TAFA5: variants seen among roughly 807,000 people sequenced by gnomAD.
TAFA5 encodes chemokine-like protein TAFA-5.
TAFA5 carries 6 observed loss-of-function variants against 15.3 expected under a neutral mutation model. That is an observed-to-expected ratio of 0.39 (90% CI 0.21 to 0.77). The LOEUF (loss-of-function observed/expected upper bound fraction) is 0.77, where lower values mean the gene tolerates loss of function less well. TAFA5 is among the 30% of genes least tolerant of loss of function. TAFA5 has a pLI of 0.41. For missense variants in TAFA5, 161 were observed against 193.1 expected (o/e 0.83, Z 0.98); for synonymous variants, 103 against 80.7 (o/e 1.28, Z -1.48).
At chr22:48,650,594 G>A (rs1371831590) in intron 2 of TAFA5, among the ~76,000 whole-genome samples, 5 of 152,156 alleles carry the variant, frequency 3.3e-5, no homozygotes, top group Non-Finnish European at 7.4e-5. Flanking sequence ...TGGTTAGAGA[G>A]GAATTCTAGC....
At chr22:48,644,987 C>G (rs1288349996) in intron 1 of TAFA5, among the ~76,000 whole-genome samples, 1 of 152,268 alleles carries the variant, frequency 6.6e-6, no homozygotes, top group Admixed American at 6.5e-5. Context: ...CCATCTCCCC[C>G]AGCTGGAAGG....
chr22:48,622,671 CTG>C (rs1601622615), intron 1 of TAFA5, among the ~76,000 whole-genome samples: 1 of 152,338 alleles, frequency 6.6e-6, no homozygotes, highest in East Asian at 1.9e-4. Flanking sequence ...TGGTACGACA[CTG>C]TGGATATTTG....
intron 1 of TAFA5, among the ~76,000 whole-genome samples, chr22:48,593,477 G>A (rs922547669): frequency 6.6e-6 from 1 of 152,092 alleles, no homozygotes; most frequent in Non-Finnish European, 1.5e-5. Flanking sequence ...GTCTGGGCTC[G>A]GGGGGTGTCT....
chr22:48,663,882 G>A lies in TAFA5; in HGVS notation c.262+17136G>A, dbSNP rs74950096. Among the ~76,000 whole-genome samples the A allele has an allele frequency of 4.5e-4, 69 of 152,352 alleles. No homozygotes were observed. The East Asian group carries it at 0.012, about 27-fold the overall frequency. On this transcript the variant is annotated intron_variant, in intron 2 of 3. Transcript: ENST00000402357. ...TCTTAATAATGGCCCCAAAGTGCAAGAGCACGGGTGATGCTGGCAATTCAG... is the reference window on the plus strand; with the variant it reads ...TCTTAATAATGGCCCCAAAGTGCAAAAGCACGGGTGATGCTGGCAATTCAG...
chr22:48,537,371 TC>T (rs1340160078), intron 1 of TAFA5, among the ~76,000 whole-genome samples: 3 of 152,114 alleles, frequency 2.0e-5, no homozygotes, highest in African/African-American at 7.2e-5. Flanking sequence ...AGGGTGGCGT[TC>T]CCCACTCCTC....
intron 3 of TAFA5, among the ~76,000 whole-genome samples, chr22:48,736,682 C>T (rs529741573): frequency 2.0e-5 from 3 of 152,330 alleles, no homozygotes; most frequent in South Asian, 2.1e-4. Context: ...TCTGATGAAC[C>T]GGCAACACGG....
At chr22:48,673,316 GTC>G (rs11470996) in intron 2 of TAFA5, among the ~76,000 whole-genome samples, 73,586 of 151,888 alleles carry the variant, frequency 0.48, 18,301 homozygotes, top group East Asian at 0.59. Context: ...GCCTCTGTGT[GTC>G]TCTGCTTCCT....
At chr22:48,539,067 G>T (rs1569017379) in intron 1 of TAFA5, 1 of 248,166 alleles carries the variant, frequency 4.0e-6, no homozygotes, top group East Asian at 9.0e-5. Context: ...TGTGGGGTGG[G>T]CACTGGCTCG....
chr22:48,691,695 G>A (rs777823876), intron 2 of TAFA5, among the ~76,000 whole-genome samples: 1 of 152,212 alleles, frequency 6.6e-6, no homozygotes, highest in Non-Finnish European at 1.5e-5. Context: ...TGGACCCTAC[G>A]GGGCGCCTGC....
chr22:48,622,078 A>G (rs1303760887), intron 1 of TAFA5, among the ~76,000 whole-genome samples: 2 of 152,030 alleles, frequency 1.3e-5, no homozygotes, highest in African/African-American at 2.4e-5. Context: ...CCCCTACAAC[A>G]CACCTTCCCT....
At chr22:48,736,535 C>T (rs973217127) in intron 3 of TAFA5, among the ~76,000 whole-genome samples, 1 of 152,152 alleles carries the variant, frequency 6.6e-6, no homozygotes, top group African/African-American at 2.4e-5. Context: ...AACCTGTACA[C>T]GCCTGTTCTT....
chr22:48,746,174 G>T (rs1224282432), intron 3 of TAFA5, among the ~76,000 whole-genome samples: 1 of 151,924 alleles, frequency 6.6e-6, no homozygotes, highest in Non-Finnish European at 1.5e-5. Flanking sequence ...GGCTGGCACT[G>T]GGCCTGGCCC....
At chr22:48,682,566 C>T (rs908804228) in intron 2 of TAFA5, among the ~76,000 whole-genome samples, 2 of 152,214 alleles carry the variant, frequency 1.3e-5, no homozygotes, top group South Asian at 2.1e-4. Flanking sequence ...TTGGTGAAAG[C>T]AGAAGACCCT....
At chr22:48,508,521 A>G (rs1327553192) in intron 1 of TAFA5, among the ~76,000 whole-genome samples, 1 of 152,222 alleles carries the variant, frequency 6.6e-6, no homozygotes, top group Non-Finnish European at 1.5e-5. Flanking sequence ...TGCTGCAGCC[A>G]CTTGGTGTCC....
chr22:48,644,830 C>T lies in TAFA5; in HGVS notation c.113-1767C>T, dbSNP rs1601639294. 2.6e-5 allele frequency among the ~76,000 whole-genome samples: 4 copies of T among 152,326 alleles called. 1 individual carries two copies. Among genetic ancestry groups the T allele is most frequent in the African/African-American group, 9.6e-5 (4 of 41,578 alleles). ...CCTCTCTGCAAGGGTGGGATGGCCACCCTTCGTCCCTCACGCACCCACCAC... is the reference window on the plus strand; with the variant it reads ...CCTCTCTGCAAGGGTGGGATGGCCATCCTTCGTCCCTCACGCACCCACCAC... On this transcript the variant is annotated intron_variant, in intron 1 of 3. Transcript: ENST00000402357.
chr22:48,749,737 G>A (rs1464533752), intron 3 of TAFA5, 102 bp from the exon 4 acceptor site: 1 of 1,370,054 alleles, frequency 7.3e-7, no homozygotes, highest in Non-Finnish European at 1.0e-6. Flanking sequence ...CCCTCCAGGA[G>A]GCCGGCTGGC....
intron 1 of TAFA5, among the ~76,000 whole-genome samples, chr22:48,529,466 C>T (rs530331017): frequency 6.0e-5 from 2 of 33,518 alleles, no homozygotes; most frequent in South Asian, 4.0e-3. Flanking sequence ...GGTGTCCAGG[C>T]AGGAGATGGG....
chr22:48,517,673 C>A (rs560812885), intron 1 of TAFA5, among the ~76,000 whole-genome samples: 1 of 152,304 alleles, frequency 6.6e-6, no homozygotes, highest in African/African-American at 2.4e-5. Flanking sequence ...TGACAGTCAG[C>A]CCCTTGCATG....
chr22:48,742,768 A>G lies in TAFA5; in HGVS notation c.391-7071A>G, dbSNP rs1283508389. Among the ~76,000 whole-genome samples, 2 of 152,128 alleles carry G rather than the reference A, an allele frequency of 1.3e-5. No homozygotes were observed. The highest frequency in any genetic ancestry group is 2.4e-5 in the African/African-American group (1 of 41,418). ...CAGGCATTATGGTGGACTGGGCAGC[A>G]TGGTGTATTAGAAGAGGAGAGATGG... On this transcript the variant is annotated intron_variant, in intron 3 of 3. Transcript: ENST00000402357. The surrounding 1 kb of genome is among the most constrained non-coding windows in gnomAD (Gnocchi z 6.2).
Sources: allele counts gnomAD v4.1 joint callset (sites outside exome capture counted in the v4.1 genomes callset), GRCh38; gene constraint gnomAD v4.1.1; non-coding constraint Gnocchi (gnomAD v3.1); transcripts MANE v1.5; gene names NCBI Gene and HGNC (gene_info 2026-07-23, HGNC 2026-07-21).